RBFOX3: variants seen among roughly 807,000 people sequenced by gnomAD.
RBFOX3 encodes the protein RNA binding fox-1 homolog 3, also known as RNA binding protein fox-1 homolog 3.
In RBFOX3, 17 loss-of-function variants were observed where a neutral mutation model predicts 48.7. The ratio of observed to expected loss-of-function variants is 0.35; its 90% CI spans 0.24 to 0.52. The LOEUF (loss-of-function observed/expected upper bound fraction) is 0.52, where lower values mean the gene tolerates loss of function less well. Ranked by LOEUF, RBFOX3 falls within the 20% of genes least tolerant of loss-of-function variation. The pLI, the probability that RBFOX3 is intolerant of heterozygous loss-of-function variation, is 0.94. For synonymous variants in RBFOX3, 212 were observed against 209.5 expected (o/e 1.01, Z -0.10); for missense variants, 382 against 497.5 (o/e 0.77, Z 2.21).
At chr17:79,492,156 T>C (rs1232713627) in intron 1 of RBFOX3, among the ~76,000 whole-genome samples, 2 of 152,148 alleles carry the variant, frequency 1.3e-5, no homozygotes, top group African/African-American at 4.8e-5. Context: ...ATGCTGAGTT[T>C]GAAGAGCCCC....
At chr17:79,568,361 G>C (rs889136430) in intron 1 of RBFOX3, among the ~76,000 whole-genome samples, 19 of 152,126 alleles carry the variant, frequency 1.2e-4, no homozygotes, top group Non-Finnish European at 1.8e-4. Context: ...AACTTTGTGA[G>C]CACTGACATG....
intron 1 of RBFOX3, among the ~76,000 whole-genome samples, chr17:79,587,311 G>A (rs2093280939): frequency 6.6e-6 from 1 of 152,188 alleles, no homozygotes; most frequent in Non-Finnish European, 1.5e-5. Flanking sequence ...CAGCAGTGGT[G>A]CCCACATTGC....
intron 1 of RBFOX3, among the ~76,000 whole-genome samples, chr17:79,500,103 G>A (rs1828590982): frequency 6.6e-6 from 1 of 152,156 alleles, no homozygotes; most frequent in Admixed American, 6.5e-5. Context: ...TCCCAGGACG[G>A]GGATGAAAGA....
intron 4 of RBFOX3, among the ~76,000 whole-genome samples, chr17:79,149,195 C>T (rs1475417691): frequency 1.3e-5 from 2 of 152,242 alleles, no homozygotes; most frequent in Admixed American, 1.3e-4. Context: ...GCCGGGGTTA[C>T]ACCAGGGATG....
chr17:79,116,569 C>T (rs1037698667), intron 4 of RBFOX3, among the ~76,000 whole-genome samples: 6 of 152,264 alleles, frequency 3.9e-5, no homozygotes, highest in Non-Finnish European at 5.9e-5. Context: ...GAGAGGGCGG[C>T]GCTGCCCAGC....
chr17:79,482,964 G>A lies in RBFOX3; in HGVS notation c.-319-366C>T, dbSNP rs1000611230. 1.3e-5 allele frequency among the ~76,000 whole-genome samples: 2 copies of A among 148,292 alleles called. No individual in the cohort carries two copies. The highest frequency in any genetic ancestry group is 3.0e-5 in the Non-Finnish European group (2 of 67,128). On this transcript the variant is annotated intron_variant, in intron 1 of 14. Transcript: ENST00000693108. This position sits in a 1 kb window ranked among gnomAD's most constrained non-coding sequence, Gnocchi z 4.1. ...CCCATCGCCTTTCCCACTACCGCCC[G>A]CTCTTGCTTCCTCCCCCACCCAGCC...
At chr17:79,126,066 A>T (rs57889785) in intron 4 of RBFOX3, among the ~76,000 whole-genome samples, 41 of 152,134 alleles carry the variant, frequency 2.7e-4, no homozygotes, top group African/African-American at 9.4e-4. Flanking sequence ...CACAGAGGGG[A>T]CACCGAGGCC....
intron 2 of RBFOX3, among the ~76,000 whole-genome samples, chr17:79,387,217 T>A (rs2060676972): frequency 6.6e-6 from 1 of 152,234 alleles, no homozygotes; most frequent in South Asian, 2.1e-4. Flanking sequence ...ACTGCGTGAC[T>A]TCAGTAATTT....
At chr17:79,270,992 C>A (rs1192928656) in intron 3 of RBFOX3, among the ~76,000 whole-genome samples, 2 of 151,802 alleles carry the variant, frequency 1.3e-5, no homozygotes, top group South Asian at 4.2e-4. Flanking sequence ...TTGTTTTTTT[C>A]TTCTCCAAAG....
intron 4 of RBFOX3, among the ~76,000 whole-genome samples, chr17:79,140,866 C>T (rs148482982): frequency 1.3e-5 from 2 of 152,164 alleles, no homozygotes; most frequent in African/African-American, 2.4e-5. Flanking sequence ...ATTTGGGAAA[C>T]GGAGCCAGAT....
chr17:79,492,611 G>A (rs976086638), intron 1 of RBFOX3, among the ~76,000 whole-genome samples: 6 of 152,222 alleles, frequency 3.9e-5, no homozygotes, highest in African/African-American at 9.6e-5. Context: ...TCGAAGGGAC[G>A]CTGAGCCAGG....
At chr17:79,400,404 G>A (rs981656300) in intron 2 of RBFOX3, among the ~76,000 whole-genome samples, 2 of 152,160 alleles carry the variant, frequency 1.3e-5, no homozygotes, top group South Asian at 2.1e-4. Flanking sequence ...GTCTTCACAC[G>A]GCGTTTTTGT....
At chr17:79,640,789 A>C in the RBFOX3 span, among the ~76,000 whole-genome samples, 2 of 152,212 alleles carry the variant, frequency 1.3e-5, no homozygotes, top group East Asian at 3.9e-4. Context: ...CTCACTCCAT[A>C]CACAAAAATC....
In RBFOX3 at chr17:79,204,696, G is replaced by A. The variant is rs4789954; in HGVS notation, c.-34+31070C>T. On this transcript the variant is annotated intron_variant, in intron 4 of 14. Coordinates refer to ENST00000693108, the MANE Select transcript of RBFOX3 (RefSeq NM_001350451.2). This position sits in a 1 kb window ranked among gnomAD's most constrained non-coding sequence, Gnocchi z 4.5. ...ACCGCTGAGGCATTTGGAAAGCTTC[G>A]TGGTGAGTGCCTTCACTTAGGGTTG... Among the ~76,000 whole-genome samples the A allele has an allele frequency of 1.1e-4, 16 of 152,048 alleles. No homozygotes were observed. The highest frequency in any genetic ancestry group is 3.9e-4 in the African/African-American group (16 of 41,488).
At chr17:79,451,729 T>A (rs1203089453) in intron 2 of RBFOX3, among the ~76,000 whole-genome samples, 1 of 152,124 alleles carries the variant, frequency 6.6e-6, no homozygotes, top group African/African-American at 2.4e-5. Flanking sequence ...AACCACTGGG[T>A]CCCCCGCAAC....
At chr17:79,554,634 T>G (rs1599138680) in intron 1 of RBFOX3, among the ~76,000 whole-genome samples, 3 of 152,258 alleles carry the variant, frequency 2.0e-5, no homozygotes, top group Non-Finnish European at 4.4e-5. Flanking sequence ...CACGTCCTGC[T>G]CAGTTCTGGA....
chr17:79,382,819 T>C (rs1364573937), intron 2 of RBFOX3, among the ~76,000 whole-genome samples: 1 of 152,102 alleles, frequency 6.6e-6, no homozygotes, highest in Non-Finnish European at 1.5e-5. Flanking sequence ...CGTCCATGCT[T>C]TGGGTGCTTG....
intron 1 of RBFOX3, among the ~76,000 whole-genome samples, chr17:79,523,875 T>C (rs1280026209): frequency 6.6e-6 from 1 of 152,174 alleles, no homozygotes; most frequent in Non-Finnish European, 1.5e-5. Flanking sequence ...CCTAATACCT[T>C]ATCCCCCACA....
At chr17:79,516,807 G>T (rs995138722) in intron 1 of RBFOX3, among the ~76,000 whole-genome samples, 22 of 152,320 alleles carry the variant, frequency 1.4e-4, no homozygotes, top group African/African-American at 5.1e-4. Flanking sequence ...CCTGCCCCAG[G>T]AAGAAAGGAA....
Sources: gnomAD v4.1 joint callset for allele counts (sites outside exome capture counted in the v4.1 genomes callset) on GRCh38, gnomAD v4.1.1 for gene constraint, Gnocchi (gnomAD v3.1) non-coding constraint, MANE v1.5 for transcripts, NCBI Gene and HGNC (gene_info 2026-07-23, HGNC 2026-07-21) for gene names.